Variants in APBB1IP observed in about 807,000 individuals in gnomAD.
The protein encoded by APBB1IP is amyloid beta precursor protein binding family B member 1 interacting protein.
Under a neutral mutation model 64.9 loss-of-function variants are expected in APBB1IP, and 27 were observed. The ratio of observed to expected loss-of-function variants is 0.42; its 90% CI spans 0.31 to 0.57. The LOEUF (loss-of-function observed/expected upper bound fraction) is 0.57, where lower values mean the gene tolerates loss of function less well. Among genes scored for constraint, APBB1IP ranks in the 20% least tolerant of loss-of-function variants. APBB1IP has a pLI of 0.20. For synonymous variants in APBB1IP, 392 were observed against 331.0 expected (o/e 1.18, Z -2.00); for missense variants, 812 against 845.5 (o/e 0.96, Z 0.49).
intron 14 of APBB1IP, among the ~76,000 whole-genome samples, chr10:26,564,231 C>T (rs1300551366): frequency 2.0e-5 from 3 of 151,690 alleles, no homozygotes; most frequent in Non-Finnish European, 4.4e-5. Context: ...ATAATTATCA[C>T]TAAAACAGAG....
intron 2 of APBB1IP, among the ~76,000 whole-genome samples, chr10:26,447,439 C>T (rs11015113): frequency 0.39 from 58,608 of 149,510 alleles, 11,594 homozygotes; most frequent in South Asian, 0.5. Flanking sequence ...AAGAAAGATA[C>T]GCCAGGCACC....
intron 2 of APBB1IP, among the ~76,000 whole-genome samples, chr10:26,471,691 TG>T (rs1276860078): frequency 6.6e-6 from 1 of 151,900 alleles, no homozygotes; most frequent in African/African-American, 2.4e-5. Context: ...AAGCTTTTTT[TG>T]TTTTTTTTTG....
At chr10:26,539,780 C>G (rs1382840588) in intron 10 of APBB1IP, among the ~76,000 whole-genome samples, 1 of 151,882 alleles carries the variant, frequency 6.6e-6, no homozygotes, top group Non-Finnish European at 1.5e-5. Flanking sequence ...GATAAACATA[C>G]AGAAAAATGG....
intron 4 of APBB1IP, 74 bp from the exon 5 acceptor site, chr10:26,500,745 T>C: frequency 7.1e-7 from 1 of 1,409,966 alleles, no homozygotes; most frequent in Non-Finnish European, 9.7e-7. Context: ...AATATTATGC[T>C]TAAAAATTAT....
chr10:26,545,428 C>T lies in APBB1IP; in HGVS notation c.1155+3736C>T, dbSNP rs528871487. 2.6e-5 allele frequency among the ~76,000 whole-genome samples: 4 copies of T among 152,034 alleles called. No homozygotes were observed. The East Asian group carries it at 7.8e-4, about 29-fold the overall frequency. On this transcript the variant is annotated intron_variant, in intron 11 of 14. Transcript: ENST00000376236. Reference sequence around the variant, plus strand: ...TCACCTGAGGTCAGAAGTTTGAGACCACCCTGGCCAAAATGGTGAAACTCC... The same window carrying T: ...TCACCTGAGGTCAGAAGTTTGAGACTACCCTGGCCAAAATGGTGAAACTCC...
intron 2 of APBB1IP, among the ~76,000 whole-genome samples, chr10:26,446,474 T>A (rs1345838719): frequency 6.6e-6 from 1 of 152,136 alleles, no homozygotes; most frequent in Non-Finnish European, 1.5e-5. Context: ...TGCTATGCAG[T>A]GTGGTGAAAA....
At chr10:26,542,469 T>A (rs941180598) in intron 11 of APBB1IP, among the ~76,000 whole-genome samples, 4 of 152,216 alleles carry the variant, frequency 2.6e-5, no homozygotes, top group African/African-American at 7.2e-5. Context: ...TTACATTTTT[T>A]AAAATTAGAA....
At chr10:26,477,305 C>G (rs1249588606) in intron 2 of APBB1IP, among the ~76,000 whole-genome samples, 5 of 152,142 alleles carry the variant, frequency 3.3e-5, no homozygotes, top group African/African-American at 1.2e-4. Context: ...AAAGCCATGT[C>G]CACCAGATTT....
chr10:26,455,300 C>A (rs577849172), intron 2 of APBB1IP, among the ~76,000 whole-genome samples: 1 of 152,046 alleles, frequency 6.6e-6, no homozygotes. Context: ...GAGGCCGAGG[C>A]GGGCGGATCA....
Position 26,444,828 on chromosome 10 carries a change from G to A in APBB1IP, c.-1+5975G>A, listed in dbSNP as rs117192881. ...TAAGAAATGGGACATAGGCTGCGTG[G>A]TGGCTCACGCCTGTAATCCCAAACA... On this transcript the variant is annotated intron_variant, in intron 2 of 14. Transcript: ENST00000376236. Among the ~76,000 whole-genome samples the A allele has an allele frequency of 1.4e-3, 206 of 152,286 alleles. 5 individuals are homozygous for A. The South Asian group carries it at 0.025, about 19-fold the overall frequency.
Position 26,498,158 on chromosome 10 carries a change from T to G in APBB1IP, c.160+1767T>G, listed in dbSNP as rs926481509. Among the ~76,000 whole-genome samples the G allele has an allele frequency of 4.6e-5, 7 of 152,296 alleles. No homozygotes were observed. The East Asian group carries it at 7.7e-4, about 17-fold the overall frequency. ...TCCTACACTTTTTTTATTTGCCACA[T>G]AAATTTATTATTCCTGCCAGTCATT... On this transcript the variant is annotated intron_variant, in intron 4 of 14. Transcript: ENST00000376236.
rs970663910 is a variant in APBB1IP, at chr10:26,438,454, A to T, written c.-204A>T. On this transcript the variant is annotated splice_region_variant and 5_prime_UTR_variant, in exon 1 of 15. Coordinates refer to ENST00000376236, the MANE Select transcript of APBB1IP (RefSeq NM_019043.4). ...CCTGAGAGAAGGGCGCGCGCGGCAC[A>T]GGTAGGGGGAGGCGCAACGTTTCCC... 9 of 70,568 alleles carry T rather than the reference A, an allele frequency of 1.3e-4. No homozygotes were observed. Among genetic ancestry groups the T allele is most frequent in the Non-Finnish European group, 2.4e-4 (8 of 32,990 alleles). The allele number at this position is 70,568 out of a possible 1,614,324, so 4.4% of individuals were successfully genotyped here.
intron 9 of APBB1IP, among the ~76,000 whole-genome samples, chr10:26,533,840 C>A (rs1245026103): frequency 6.6e-6 from 1 of 151,826 alleles, no homozygotes; most frequent in Non-Finnish European, 1.5e-5. Flanking sequence ...ATTTCCAAAT[C>A]TTTTTTAAAA....
At chr10:26,513,407 A>T in intron 7 of APBB1IP, 132 bp from the exon 8 acceptor site, 1 of 904,858 alleles carries the variant, frequency 1.1e-6, no homozygotes, top group Non-Finnish European at 1.7e-6. Flanking sequence ...GTGTGGCATC[A>T]TGTGAGAATT....
At chr10:26,563,090 T>C (rs1212820045) in intron 14 of APBB1IP, among the ~76,000 whole-genome samples, 1 of 152,210 alleles carries the variant, frequency 6.6e-6, no homozygotes, top group East Asian at 1.9e-4. Context: ...CCATGGGATT[T>C]TACTTGCCTT....
chr10:26,551,681 C>T (rs2132477083), intron 11 of APBB1IP, among the ~76,000 whole-genome samples: 1 of 152,324 alleles, frequency 6.6e-6, no homozygotes, highest in South Asian at 2.1e-4. Flanking sequence ...CTGCTTCCTA[C>T]CCCTTACTCA....
intron 2 of APBB1IP, among the ~76,000 whole-genome samples, chr10:26,467,063 T>A (rs762059924): frequency 6.6e-6 from 1 of 152,186 alleles, no homozygotes; most frequent in East Asian, 1.9e-4. Context: ...AAAGATGTGA[T>A]CATTTGTAAT....
At chr10:26,439,862 A>G (rs1235875831) in intron 2 of APBB1IP, among the ~76,000 whole-genome samples, 2 of 152,258 alleles carry the variant, frequency 1.3e-5, no homozygotes, top group Admixed American at 1.3e-4. Flanking sequence ...GAGAAATTTC[A>G]GAAAGGAAAA....
chr10:26,557,092 G>A (rs539502993), intron 11 of APBB1IP, among the ~76,000 whole-genome samples: 4 of 152,104 alleles, frequency 2.6e-5, no homozygotes, highest in African/African-American at 9.6e-5. Flanking sequence ...TTTTGCTATC[G>A]GGCCATATTA....
Sources: gnomAD v4.1 joint callset for allele counts (sites outside exome capture counted in the v4.1 genomes callset) on GRCh38, gnomAD v4.1.1 for gene constraint, MANE v1.5 for transcripts, NCBI Gene and HGNC (gene_info 2026-07-23, HGNC 2026-07-21) for gene names.